Variants in DSCAML1 observed in about 807,000 individuals in gnomAD.
DSCAML1 encodes cell adhesion molecule DSCAML1.
DSCAML1 carries 38 observed loss-of-function variants against 200.5 expected under a neutral mutation model. That is an observed-to-expected ratio of 0.19 (90% CI 0.15 to 0.25). The LOEUF is 0.25. Among genes scored for constraint, DSCAML1 ranks in the 10% least tolerant of loss-of-function variants. DSCAML1 has a pLI of 1.00. For synonymous variants in DSCAML1, 1,215 were observed against 1,165.0 expected, an observed-to-expected ratio of 1.04 and a Z score of -0.87; for missense variants, 2,223 against 2,858.8, an observed-to-expected ratio of 0.78 and a Z score of 5.07.
intron 3 of DSCAML1, among the ~76,000 whole-genome samples, chr11:117,709,064 G>T (rs1030854971): frequency 1.1e-4 from 17 of 152,160 alleles, no homozygotes; most frequent in African/African-American, 3.9e-4. Flanking sequence ...TCACCTCATG[G>T]ACTTTTCATT....
chr11:117,706,713 T>C, intron 3 of DSCAML1, among the ~76,000 whole-genome samples: 1 of 152,252 alleles, frequency 6.6e-6, no homozygotes, highest in East Asian at 1.9e-4. Flanking sequence ...TGATATCTTG[T>C]GCAAGTCCTT....
At chr11:117,452,614 T>C (rs1417571287) in intron 19 of DSCAML1, among the ~76,000 whole-genome samples, 1 of 152,230 alleles carries the variant, frequency 6.6e-6, no homozygotes, top group Non-Finnish European at 1.5e-5. Flanking sequence ...ATTATTGTTA[T>C]ATTCAGGTTT....
chr11:117,807,320 T>C (rs753339842), intron 1 of DSCAML1, among the ~76,000 whole-genome samples: 9 of 152,224 alleles, frequency 5.9e-5, no homozygotes, highest in African/African-American at 9.6e-5. Flanking sequence ...GGATGAGTCT[T>C]TCTTGACCAG....
At chr11:117,508,337 C>T (rs534975238) in intron 8 of DSCAML1, among the ~76,000 whole-genome samples, 13 of 152,294 alleles carry the variant, frequency 8.5e-5, no homozygotes, top group Non-Finnish European at 1.5e-4. Flanking sequence ...AACTGCATTA[C>T]CCCCTCCCTG....
chr11:117,791,591 G>A (rs1304509565), intron 1 of DSCAML1, among the ~76,000 whole-genome samples: 1 of 152,216 alleles, frequency 6.6e-6, no homozygotes, highest in Admixed American at 6.5e-5. Context: ...GGAAGGAAGT[G>A]TGCTGGGCAC....
chr11:117,438,600 A>G (rs1345822434), intron 24 of DSCAML1, among the ~76,000 whole-genome samples: 1 of 151,970 alleles, frequency 6.6e-6, no homozygotes, highest in Non-Finnish European at 1.5e-5. Context: ...CTAGTAGTCC[A>G]TTTGTCTACT....
chr11:117,781,791 C>A (rs921759753), intron 1 of DSCAML1, among the ~76,000 whole-genome samples: 1 of 152,226 alleles, frequency 6.6e-6, no homozygotes, highest in Non-Finnish European at 1.5e-5. Flanking sequence ...CCATTCCAAC[C>A]CTCAACCACA....
intron 3 of DSCAML1, among the ~76,000 whole-genome samples, chr11:117,568,461 A>G (rs897656652): frequency 1.3e-5 from 2 of 152,234 alleles, no homozygotes; most frequent in African/African-American, 2.4e-5. Context: ...ACATGATTGT[A>G]TATCTAGAAA....
chr11:117,817,235 T>C (rs1034463165), intron 1 of DSCAML1, among the ~76,000 whole-genome samples: 1 of 152,214 alleles, frequency 6.6e-6, no homozygotes, highest in Admixed American at 6.5e-5. Flanking sequence ...AGGCCAGCAC[T>C]TCTGGGCCTG....
rs148242373 is a variant in DSCAML1 at position 117,692,943 on chromosome 11, C to T, written c.511+83848G>A. On this transcript the variant is annotated intron_variant, in intron 3 of 32. Coordinates refer to ENST00000651296, the MANE Select transcript of DSCAML1 (RefSeq NM_020693.4). ...TCATTTTCCTGTGTTTCTCATTAGA[C>T]AGCATTTCCAGACCCCTCGCCATCT... 4.6e-3 allele frequency among the ~76,000 whole-genome samples: 708 copies of T among 152,270 alleles called. 4 individuals carry two copies. The highest frequency in any genetic ancestry group is 0.016 in the African/African-American group (646 of 41,536).
At chr11:117,444,906 G>A (rs185289220) in intron 20 of DSCAML1, among the ~76,000 whole-genome samples, 36 of 152,246 alleles carry the variant, frequency 2.4e-4, no homozygotes, top group African/African-American at 4.1e-4. Context: ...TTGGTCAGCC[G>A]CAGGGAAGGG....
At chr11:117,623,416 A>C (rs989637479) in intron 3 of DSCAML1, among the ~76,000 whole-genome samples, 3 of 152,032 alleles carry the variant, frequency 2.0e-5, no homozygotes, top group African/African-American at 7.2e-5. Context: ...GGGTTTTGCC[A>C]TGTTGGCCAG....
intron 6 of DSCAML1, among the ~76,000 whole-genome samples, chr11:117,520,885 G>A (rs544100731): frequency 1.3e-5 from 2 of 152,186 alleles, no homozygotes; most frequent in South Asian, 4.2e-4. Context: ...AGCTGTGATC[G>A]CACTACTGTT....
intron 3 of DSCAML1, among the ~76,000 whole-genome samples, chr11:117,641,851 G>A (rs968542372): frequency 1.1e-4 from 16 of 152,048 alleles, no homozygotes; most frequent in African/African-American, 2.4e-4. Context: ...ACTGCATATC[G>A]TACCCAGCCA....
At chr11:117,644,328 G>A (rs1266991395) in intron 3 of DSCAML1, among the ~76,000 whole-genome samples, 1 of 152,264 alleles carries the variant, frequency 6.6e-6, no homozygotes, top group African/African-American at 2.4e-5. Flanking sequence ...GGAGTGCAAA[G>A]GGGATTTCTG....
At chr11:117,622,389 T>C (rs1181319915) in intron 3 of DSCAML1, among the ~76,000 whole-genome samples, 1 of 152,196 alleles carries the variant, frequency 6.6e-6, no homozygotes, top group African/African-American at 2.4e-5. Context: ...TTGCCCTCCC[T>C]TGCTTCCCCC....
intron 3 of DSCAML1, among the ~76,000 whole-genome samples, chr11:117,600,085 G>A (rs74650069): frequency 6.6e-6 from 1 of 152,200 alleles, no homozygotes; most frequent in Non-Finnish European, 1.5e-5. Context: ...GAGGTATGGC[G>A]AGAAGGGAAT....
chr11:117,491,388 A>AT (rs1291125936), intron 11 of DSCAML1, among the ~76,000 whole-genome samples: 1 of 152,250 alleles, frequency 6.6e-6, no homozygotes, highest in African/African-American at 2.4e-5. Flanking sequence ...GCTGAGATAA[A>AT]TAAATTGCCC....
At chr11:117,533,759 C>G (rs1466888210) in intron 3 of DSCAML1, among the ~76,000 whole-genome samples, 1 of 151,540 alleles carries the variant, frequency 6.6e-6, no homozygotes, top group East Asian at 1.9e-4. Context: ...TCACCCTGAC[C>G]TTGAGCTGAT....
Sources: allele counts gnomAD v4.1 joint callset (sites outside exome capture counted in the v4.1 genomes callset), GRCh38; gene constraint gnomAD v4.1.1; transcripts MANE v1.5; gene names NCBI Gene and HGNC (gene_info 2026-07-23, HGNC 2026-07-21).